Variants in FRMD4B observed in about 807,000 individuals in gnomAD.
FRMD4B encodes the protein FERM domain-containing protein 4B.
Under a neutral mutation model 141.5 loss-of-function variants are expected in FRMD4B, and 74 were observed. That is an observed-to-expected ratio of 0.52 (90% CI 0.43 to 0.63). The LOEUF (loss-of-function observed/expected upper bound fraction) is 0.63, where lower values mean the gene tolerates loss of function less well. Among genes scored for constraint, FRMD4B ranks in the 30% least tolerant of loss-of-function variants. The pLI, the probability that FRMD4B is intolerant of heterozygous loss-of-function variation, is 0.00. For missense variants in FRMD4B, 1,366 were observed against 1,253.4 expected, an observed-to-expected ratio of 1.09 and a Z score of -1.36; for synonymous variants, 506 against 467.9, an observed-to-expected ratio of 1.08 and a Z score of -1.05.
At chr3:69,489,148 A>G (rs1446237342) in intron 1 of FRMD4B, among the ~76,000 whole-genome samples, 1 of 151,778 alleles carries the variant, frequency 6.6e-6, no homozygotes, top group Non-Finnish European at 1.5e-5. Flanking sequence ...TCTAAAAAGA[A>G]ACTTATATCC....
At chr3:69,540,115 C>T (rs1212853472) in intron 1 of FRMD4B, among the ~76,000 whole-genome samples, 1 of 151,946 alleles carries the variant, frequency 6.6e-6, no homozygotes, top group Non-Finnish European at 1.5e-5. Flanking sequence ...ATCGCATGGG[C>T]CTGGGAGGCA....
At chr3:69,211,899 G>A (rs534744579) in intron 11 of FRMD4B, among the ~76,000 whole-genome samples, 2 of 152,242 alleles carry the variant, frequency 1.3e-5, no homozygotes, top group South Asian at 2.1e-4. Flanking sequence ...GGCCAGGAGA[G>A]GGACTTGTAA....
At chr3:69,343,587 T>G (rs1004458387) in intron 1 of FRMD4B, among the ~76,000 whole-genome samples, 12 of 149,036 alleles carry the variant, frequency 8.1e-5, no homozygotes, top group South Asian at 6.4e-4. Context: ...GTTTTTTTTT[T>G]TTTTTTTTTT....
chr3:69,335,914 G>A (rs949294358), intron 1 of FRMD4B, among the ~76,000 whole-genome samples: 5 of 151,902 alleles, frequency 3.3e-5, no homozygotes, highest in Non-Finnish European at 5.9e-5. Flanking sequence ...GTAGAGACAC[G>A]CTTTCACCAT....
In FRMD4B at chr3:69,322,594, C is replaced by CTT. The variant is rs771521331; in HGVS notation, c.163-9079_163-9078dup. Among the ~76,000 whole-genome samples, 645 of 81,332 alleles carry CTT rather than the reference C, an allele frequency of 7.9e-3. 14 individuals are homozygous for CTT. Among genetic ancestry groups the CTT allele is most frequent in the African/African-American group, 0.021 (577 of 27,620 alleles). The allele number at this position is 81,332 out of a possible 152,430, so 53.4% of individuals were successfully genotyped here. ...TCATTGTTTAGATTTTTCTCTCTCT[C>CTT]TTTTTTTTTTTTTTTTTTTTGAGAC... On this transcript the variant is annotated intron_variant, in intron 1 of 22. Coordinates refer to ENST00000398540, the MANE Select transcript of FRMD4B (RefSeq NM_015123.3).
At chr3:69,444,758 T>A (rs1705386776) in intron 1 of FRMD4B, among the ~76,000 whole-genome samples, 1 of 152,206 alleles carries the variant, frequency 6.6e-6, no homozygotes, top group African/African-American at 2.4e-5. Flanking sequence ...ACTACTCATC[T>A]CCACGAACAT....
At chr3:69,342,197 T>G (rs1045133657) in intron 1 of FRMD4B, among the ~76,000 whole-genome samples, 33 of 152,160 alleles carry the variant, frequency 2.2e-4, no homozygotes, top group African/African-American at 7.7e-4. Context: ...GTCCTTAAAG[T>G]GGTTGAGAAA....
chr3:69,344,605 C>A (rs985685114), intron 1 of FRMD4B, among the ~76,000 whole-genome samples: 2 of 152,140 alleles, frequency 1.3e-5, no homozygotes, highest in African/African-American at 4.8e-5. Context: ...CAGAGTTAGA[C>A]CTGGAGTCCA....
intron 1 of FRMD4B, among the ~76,000 whole-genome samples, chr3:69,350,718 G>A (rs1052608928): frequency 2.0e-4 from 31 of 151,818 alleles, no homozygotes; most frequent in East Asian, 3.9e-4. Context: ...GCAAACTATC[G>A]CAAGGACAAA....
intron 1 of FRMD4B, among the ~76,000 whole-genome samples, chr3:69,346,295 G>A (rs1702939081): frequency 4.6e-5 from 7 of 152,120 alleles, no homozygotes; most frequent in Admixed American, 4.6e-4. Context: ...AGAGTAAAAA[G>A]AAATGAACAA....
intron 1 of FRMD4B, among the ~76,000 whole-genome samples, chr3:69,455,877 A>T (rs185399539): frequency 1.3e-5 from 2 of 152,156 alleles, no homozygotes; most frequent in Admixed American, 6.5e-5. Context: ...TGAGACTTCT[A>T]CTCTAGGTTC....
At chr3:69,501,299 C>T (rs1706493054) in intron 1 of FRMD4B, among the ~76,000 whole-genome samples, 1 of 144,676 alleles carries the variant, frequency 6.9e-6, no homozygotes, top group Non-Finnish European at 1.5e-5. Context: ...TGGCCCAAGA[C>T]AATTCTTCCA....
intron 1 of FRMD4B, among the ~76,000 whole-genome samples, chr3:69,528,078 C>T (rs998420765): frequency 6.6e-6 from 1 of 152,208 alleles, no homozygotes; most frequent in African/African-American, 2.4e-5. Context: ...CAGAAACCCA[C>T]AGCCCATTTA....
intron 1 of FRMD4B, among the ~76,000 whole-genome samples, chr3:69,338,945 A>T (rs1485140242): frequency 6.6e-6 from 1 of 152,220 alleles, no homozygotes; most frequent in African/African-American, 2.4e-5. Context: ...ATACCTATTA[A>T]AACTATTCTT....
chr3:69,446,971 C>T (rs1265557428), intron 1 of FRMD4B, among the ~76,000 whole-genome samples: 1 of 152,092 alleles, frequency 6.6e-6, no homozygotes, highest in East Asian at 1.9e-4. Flanking sequence ...ATCCACATGT[C>T]ACACAGATTG....
intron 1 of FRMD4B, among the ~76,000 whole-genome samples, chr3:69,531,654 C>T (rs1245205570): frequency 1.3e-5 from 2 of 152,188 alleles, no homozygotes; most frequent in Non-Finnish European, 2.9e-5. Context: ...TAGCATGAAC[C>T]TTTGCTGACA....
chr3:69,336,162 T>C (rs1278979356), intron 1 of FRMD4B, among the ~76,000 whole-genome samples: 2 of 152,046 alleles, frequency 1.3e-5, no homozygotes, highest in African/African-American at 4.8e-5. Flanking sequence ...AGGCAACAAA[T>C]GTGGTTGGAG....
At chr3:69,288,674 G>A (rs972427919) in intron 4 of FRMD4B, among the ~76,000 whole-genome samples, 4 of 152,158 alleles carry the variant, frequency 2.6e-5, no homozygotes, top group Admixed American at 2.0e-4. Context: ...CTGGGGCCCC[G>A]AAGTTTTCCT....
At chr3:69,505,406 AC>A (rs1239735913) in intron 1 of FRMD4B, among the ~76,000 whole-genome samples, 1 of 151,984 alleles carries the variant, frequency 6.6e-6, no homozygotes, top group Admixed American at 6.6e-5. Flanking sequence ...GAAAAAGGAA[AC>A]AAAAGGAAAT....
Sources: gnomAD v4.1 joint callset for allele counts (sites outside exome capture counted in the v4.1 genomes callset) on GRCh38, gnomAD v4.1.1 for gene constraint, MANE v1.5 for transcripts, NCBI Gene and HGNC (gene_info 2026-07-23, HGNC 2026-07-21) for gene names.